COBL: variants seen among roughly 807,000 people sequenced by gnomAD.
COBL encodes cordon-bleu WH2 repeat protein, also known as protein cordon-bleu.
Under a neutral mutation model 98.8 loss-of-function variants are expected in COBL, and 51 were observed. The observed-to-expected ratio is 0.52, with a 90% CI of 0.41 to 0.65. COBL has a LOEUF of 0.65. Among genes scored for constraint, COBL ranks in the 30% least tolerant of loss-of-function variants. The pLI is 0.00. For synonymous variants in COBL, 634 were observed against 651.7 expected (o/e 0.97, Z 0.41); for missense variants, 1,617 against 1,617.5 (o/e 1.00, Z 0.01).
At chr7:51,119,461 G>A (rs929424379) in intron 6 of COBL, among the ~76,000 whole-genome samples, 2 of 152,174 alleles carry the variant, frequency 1.3e-5, no homozygotes, top group African/African-American at 4.8e-5. Context: ...GCCTGTGTTT[G>A]TAAAGTAAAA....
At chr7:51,207,640 C>T (rs1174895691) in intron 2 of COBL, among the ~76,000 whole-genome samples, 4 of 152,156 alleles carry the variant, frequency 2.6e-5, no homozygotes, top group Non-Finnish European at 5.9e-5. Context: ...CTGTGTTGGC[C>T]GGGCTGGTCT....
intron 1 of COBL, among the ~76,000 whole-genome samples, chr7:51,265,954 C>A (rs777710472): frequency 1.3e-5 from 2 of 152,042 alleles, no homozygotes; most frequent in African/African-American, 2.4e-5. Context: ...AGTGAATTGG[C>A]GTTTCCCTAC....
At chr7:51,316,550 G>T (rs1803620222) in intron 1 of COBL, 43 bp downstream of exon 1, 2 of 1,208,460 alleles carry the variant, frequency 1.7e-6, no homozygotes, top group South Asian at 3.7e-5. Flanking sequence ...TCCGAGCCCA[G>T]GGAAGCCCCC....
intron 1 of COBL, among the ~76,000 whole-genome samples, chr7:51,296,362 A>C (rs1194733481): frequency 1.3e-5 from 2 of 152,198 alleles, no homozygotes; most frequent in East Asian, 3.8e-4. Flanking sequence ...ACAATCATAC[A>C]CATATTATTT....
chr7:51,231,735 C>T (rs577325421), intron 1 of COBL, among the ~76,000 whole-genome samples: 27 of 152,208 alleles, frequency 1.8e-4, no homozygotes, highest in Non-Finnish European at 2.6e-4. Flanking sequence ...CAGGGTGGGC[C>T]GAGCCAGGAG....
At chr7:51,213,246 C>A (rs1236811184) in intron 2 of COBL, among the ~76,000 whole-genome samples, 1 of 152,162 alleles carries the variant, frequency 6.6e-6, no homozygotes, top group Non-Finnish European at 1.5e-5. Flanking sequence ...AGACGAGGAC[C>A]AGTCAACGGT....
At chr7:51,211,700 T>C (rs1435731741) in intron 2 of COBL, among the ~76,000 whole-genome samples, 2 of 152,152 alleles carry the variant, frequency 1.3e-5, no homozygotes, top group Admixed American at 6.5e-5. Context: ...GTTTCTCCAA[T>C]TGTACAAAGA....
Position 51,028,013 on chromosome 7 carries a change from T to C in COBL, c.3083A>G (p.Asp1028Gly). The C allele has an allele frequency of 1.2e-6, 2 of 1,603,714 alleles. No individual in the cohort carries two copies. Among genetic ancestry groups the C allele is most frequent in the South Asian group, 2.3e-5 (2 of 88,850 alleles). ...GTDPPPPHTS[D>G]TQACSRELVN... is the part of the protein sequence containing the mutation. ...CAGCTCCCTGCTGCAGGCCTGAGTGTCAGATGTGTGTGGAGGGGGTGGGTC... is the reference window on the plus strand; with the variant it reads ...CAGCTCCCTGCTGCAGGCCTGAGTGCCAGATGTGTGTGGAGGGGGTGGGTC... Residue 1028 changes from aspartate to glycine, a missense_variant, in exon 10 of 13, where the codon GAC becomes GGC. Physicochemically the swap from Asp to Gly is moderately conservative, Grantham distance 94. This residue lies in a region of COBL where 1,304 missense variants were observed against 1,282.0 expected (regional missense o/e 1.02). Coordinates refer to ENST00000265136, the MANE Select transcript of COBL (RefSeq NM_015198.5).
chr7:51,041,167 T>C (rs1034835487), intron 8 of COBL, among the ~76,000 whole-genome samples: 3 of 152,242 alleles, frequency 2.0e-5, no homozygotes, highest in African/African-American at 7.2e-5. Context: ...AAGGAACCAG[T>C]TGCTGCCTTT....
In COBL at chr7:51,171,242, C is replaced by T. The variant is rs147669411; in HGVS notation, c.783+12860G>A. Among the ~76,000 whole-genome samples the T allele has an allele frequency of 1.4e-3, 206 of 152,138 alleles. 1 individual carries two copies. The highest frequency in any genetic ancestry group is 1.5e-3 in the South Asian group (7 of 4,818). On this transcript the variant is annotated intron_variant, in intron 5 of 12. Coordinates refer to ENST00000265136, the MANE Select transcript of COBL (RefSeq NM_015198.5). ...ATGAGTAACAAATCACTTTGCAAGTCGGATGGCTCCCAAATTTTAGCTATT... is the reference window on the plus strand; with the variant it reads ...ATGAGTAACAAATCACTTTGCAAGTTGGATGGCTCCCAAATTTTAGCTATT...
intron 6 of COBL, among the ~76,000 whole-genome samples, chr7:51,113,085 A>G (rs776239565): frequency 3.6e-4 from 55 of 152,322 alleles, no homozygotes; most frequent in Non-Finnish European, 7.8e-4. Flanking sequence ...GCACAGTAAC[A>G]TCTCTTGGAG....
At position 51,316,583 on chromosome 7, in the gene COBL, G is replaced by A. The variant is rs907356598; in HGVS notation, c.41+10C>T. On this transcript the variant is annotated intron_variant, in intron 1 of 12. Transcript: ENST00000265136. ...CCCTCTCCACCCCGCCCGACCGCGG[G>A]GCCGCTTACCCGGTCGGGGGCTTGG... 9 of 1,207,638 alleles carry A rather than the reference G, an allele frequency of 7.5e-6. No individual in the cohort carries two copies. Among genetic ancestry groups the A allele is most frequent in the Non-Finnish European group, 7.2e-6 (7 of 972,610 alleles). 74.8% of individuals were successfully genotyped at this position (1,207,638 alleles called of 1,614,324 possible).
At chr7:51,084,387 G>A (rs1002388281) in intron 7 of COBL, among the ~76,000 whole-genome samples, 1 of 152,110 alleles carries the variant, frequency 6.6e-6, no homozygotes, top group African/African-American at 2.4e-5. Flanking sequence ...CCATTCTTGG[G>A]GCTCTCAGCT....
chr7:51,161,016 C>A (rs1478336754), intron 5 of COBL, among the ~76,000 whole-genome samples: 1 of 151,814 alleles, frequency 6.6e-6, no homozygotes, highest in Admixed American at 6.6e-5. Flanking sequence ...TCTAAAGGTA[C>A]AAGCTAAATT....
In COBL at chr7:51,246,968, G is replaced by T. The variant is rs932923682; in HGVS notation, c.42-27024C>A. On this transcript the variant is annotated intron_variant, in intron 1 of 12. Transcript: ENST00000265136. ...AAACATTAGAGCCCAGCACGCCCCA[G>T]TAAGTCACCATAGCCAACACAGATG... Among the ~76,000 whole-genome samples, 5 of 152,314 alleles carry T rather than the reference G, an allele frequency of 3.3e-5. No individual in the cohort carries two copies. The East Asian group carries it at 9.6e-4, about 29-fold the overall frequency.
intron 1 of COBL, among the ~76,000 whole-genome samples, chr7:51,231,805 C>T (rs553983399): frequency 8.8e-4 from 134 of 152,306 alleles, no homozygotes; most frequent in Middle Eastern, 3.4e-3. Flanking sequence ...CGCAGATAAA[C>T]GCCACAAGAG....
intron 5 of COBL, among the ~76,000 whole-genome samples, chr7:51,183,839 A>G (rs745392245): frequency 4.9e-4 from 74 of 152,224 alleles, no homozygotes; most frequent in Non-Finnish European, 9.4e-4. Context: ...AGAAGGGCTC[A>G]TGGCCCCGGT....
intron 5 of COBL, among the ~76,000 whole-genome samples, chr7:51,175,952 G>A (rs930263311): frequency 6.6e-6 from 1 of 152,092 alleles, no homozygotes; most frequent in Non-Finnish European, 1.5e-5. Flanking sequence ...CTACCCCCAC[G>A]GGCAGCTTTT....
chr7:51,085,060 T>C, intron 7 of COBL, 106 bp downstream of exon 7: 1 of 1,536,646 alleles, frequency 6.5e-7, no homozygotes, highest in East Asian at 2.3e-5. Flanking sequence ...ATTTTTTGGG[T>C]TAATGTCATT....
Sources: gnomAD v4.1 joint callset for allele counts (sites outside exome capture counted in the v4.1 genomes callset) on GRCh38, gnomAD v4.1.1 for gene constraint, gnomAD v4.1.1 regional missense constraint, MANE v1.5 for transcripts, NCBI Gene and HGNC (gene_info 2026-07-23, HGNC 2026-07-21) for gene names.